PTTG1IP2: variants seen among roughly 807,000 people sequenced by gnomAD.
PTTG1IP2 encodes PTTG1IP family member 2.
intron 6 of PTTG1IP2, among the ~76,000 whole-genome samples, chr7:90,506,082 A>C (rs1798121890): frequency 6.6e-6 from 1 of 151,660 alleles, no homozygotes; most frequent in Admixed American, 6.6e-5. Context: ...TGGTAATTAC[A>C]CACTTACAAT....
chr7:90,504,026 A>G (rs566018943), intron 6 of PTTG1IP2, among the ~76,000 whole-genome samples: 15 of 152,174 alleles, frequency 9.9e-5, no homozygotes, highest in Non-Finnish European at 1.9e-4. Flanking sequence ...AGTAGAAAAA[A>G]AGCACATCTG....
intron 2 of PTTG1IP2, among the ~76,000 whole-genome samples, chr7:90,480,639 C>A (rs1201624123): frequency 3.3e-5 from 5 of 152,008 alleles, no homozygotes; most frequent in Non-Finnish European, 5.9e-5. Context: ...ATGATCATAT[C>A]TAAAAGTTAA....
chr7:90,485,072 G>A (rs536730072), intron 2 of PTTG1IP2, among the ~76,000 whole-genome samples: 16 of 152,140 alleles, frequency 1.1e-4, no homozygotes, highest in Non-Finnish European at 2.1e-4. Flanking sequence ...GTAGGAATAG[G>A]GTGAGGGAAA....
intron 1 of PTTG1IP2, among the ~76,000 whole-genome samples, chr7:90,477,166 G>A (rs1431465950): frequency 1.3e-5 from 2 of 152,172 alleles, no homozygotes; most frequent in African/African-American, 4.8e-5. Context: ...GTAATCAAGA[G>A]CAAAGAAGTA....
chr7:90,486,379 G>GAT (rs4015369), intron 2 of PTTG1IP2, among the ~76,000 whole-genome samples: 35 of 150,916 alleles, frequency 2.3e-4, no homozygotes, highest in African/African-American at 5.8e-4. Flanking sequence ...GAAGTGAGTG[G>GAT]ATATATATAT....
chr7:90,502,283 G>C (rs1028728049), intron 6 of PTTG1IP2, among the ~76,000 whole-genome samples: 3 of 152,198 alleles, frequency 2.0e-5, no homozygotes, highest in Non-Finnish European at 4.4e-5. Flanking sequence ...AAGTAGCTGG[G>C]ATTATAGGCA....
At chr7:90,505,946 T>TGCAGTCC (rs1472243655) in intron 6 of PTTG1IP2, among the ~76,000 whole-genome samples, 1 of 126,610 alleles carries the variant, frequency 7.9e-6, no homozygotes, top group Admixed American at 1.0e-4. Flanking sequence ...ATTCCGCCAC[T>TGCAGTCC]GCAGTCCGCA....
rs774655165 is a variant in PTTG1IP2 at position 90,474,498 on chromosome 7, TC to T, written c.145+4569del. 2.6e-5 allele frequency among the ~76,000 whole-genome samples: 4 copies of T among 152,176 alleles called. No individual in the cohort carries two copies. In the East Asian group the frequency reaches 5.8e-4, roughly 22 times the overall value. ...ATGTAAGAGTGGTTTCTGGGGTTGC[TC>T]CAAGCTCAGCAGCACTGAATACAAA... On this transcript the variant is annotated intron_variant, in intron 1 of 6. Transcript: ENST00000509356.
chr7:90,502,733 T>A (rs763904990), intron 6 of PTTG1IP2, among the ~76,000 whole-genome samples: 1 of 152,216 alleles, frequency 6.6e-6, no homozygotes, highest in Non-Finnish European at 1.5e-5. Context: ...ACAGTGGGCT[T>A]AATATATTCA....
At chr7:90,473,335 T>C (rs544990590) in intron 1 of PTTG1IP2, among the ~76,000 whole-genome samples, 72 of 152,108 alleles carry the variant, frequency 4.7e-4, no homozygotes, top group African/African-American at 1.5e-3. Flanking sequence ...CCACAGATGC[T>C]AGACATGACA....
intron 4 of PTTG1IP2, among the ~76,000 whole-genome samples, chr7:90,489,835 C>G (rs1735096377): frequency 6.6e-6 from 1 of 151,904 alleles, no homozygotes; most frequent in African/African-American, 2.4e-5. Context: ...TCTTTTCTTA[C>G]TCTTTATTTC....
At chr7:90,508,485 A>G (rs1262289229) in intron 6 of PTTG1IP2, among the ~76,000 whole-genome samples, 1 of 152,034 alleles carries the variant, frequency 6.6e-6, no homozygotes, top group African/African-American at 2.4e-5. Context: ...AGGGGAGGAC[A>G]TTTTCGGGGG....
intron 6 of PTTG1IP2, among the ~76,000 whole-genome samples, chr7:90,496,088 T>C (rs1797987449): frequency 6.6e-6 from 1 of 152,250 alleles, no homozygotes; most frequent in Non-Finnish European, 1.5e-5. Context: ...GCACCTATAT[T>C]CATCAGGGAT....
intron 4 of PTTG1IP2, among the ~76,000 whole-genome samples, chr7:90,491,082 A>T (rs752539557): frequency 3.3e-5 from 5 of 152,204 alleles, no homozygotes; most frequent in Non-Finnish European, 7.4e-5. Flanking sequence ...TCTTTTAAAA[A>T]AATACCCTAG....
At chr7:90,475,904 G>A (rs1797742896) in intron 1 of PTTG1IP2, among the ~76,000 whole-genome samples, 1 of 150,398 alleles carries the variant, frequency 6.6e-6, no homozygotes, top group African/African-American at 2.5e-5. Flanking sequence ...TCGCGCCACT[G>A]CACTCCAGCT....
At chr7:90,498,151 G>A (rs1462807898) in intron 6 of PTTG1IP2, among the ~76,000 whole-genome samples, 1 of 151,588 alleles carries the variant, frequency 6.6e-6, no homozygotes, top group African/African-American at 2.4e-5. Flanking sequence ...TCAGCCTCCC[G>A]AGTAGCTGGG....
At chr7:90,483,408 G>A (rs17863124) in intron 2 of PTTG1IP2, among the ~76,000 whole-genome samples, 2,256 of 152,206 alleles carry the variant, frequency 0.015, 27 homozygotes, top group Non-Finnish European at 0.022. Context: ...CTCTATCTAT[G>A]TGTCATACTT....
intron 2 of PTTG1IP2, among the ~76,000 whole-genome samples, chr7:90,483,845 G>A (rs1251068528): frequency 6.6e-6 from 1 of 151,986 alleles, no homozygotes; most frequent in African/African-American, 2.4e-5. Context: ...TTCCTAAGGA[G>A]CGCATTCCTT....
intron 5 of PTTG1IP2, among the ~76,000 whole-genome samples, chr7:90,493,648 G>T (rs1797963066): frequency 6.6e-6 from 1 of 152,184 alleles, no homozygotes; most frequent in African/African-American, 2.4e-5. Context: ...CACAAGGCAG[G>T]ATGATTTTTC....
Sources: allele counts gnomAD v4.1 joint callset (sites outside exome capture counted in the v4.1 genomes callset), GRCh38; gene constraint gnomAD v4.1.1; transcripts MANE v1.5; gene names NCBI Gene and HGNC (gene_info 2026-07-23, HGNC 2026-07-21).